Variants in HOMER2 observed in about 807,000 individuals in gnomAD.
HOMER2 encodes homer scaffold protein 2, also known as homer protein homolog 2.
HOMER2 carries 27 observed loss-of-function variants against 47.0 expected under a neutral mutation model. The ratio of observed to expected loss-of-function variants is 0.57; its 90% CI spans 0.42 to 0.79. The LOEUF is 0.79. Among genes scored for constraint, HOMER2 ranks in the 30% least tolerant of loss-of-function variants. The pLI, the probability that HOMER2 is intolerant of heterozygous loss-of-function variation, is 0.00. For synonymous variants in HOMER2, 161 were observed against 163.8 expected (o/e 0.98, Z 0.13); for missense variants, 443 against 435.0 (o/e 1.02, Z -0.16).
At chr15:82,943,062 C>A (rs1175995698) in intron 1 of HOMER2, among the ~76,000 whole-genome samples, 1 of 152,094 alleles carries the variant, frequency 6.6e-6, no homozygotes, top group Non-Finnish European at 1.5e-5. Flanking sequence ...CAGACGGTGC[C>A]CAAAGGGCCA....
chr15:82,897,970 T>G lies in HOMER2; in HGVS notation c.6-5129A>C, dbSNP rs187239526. 1.3e-4 allele frequency among the ~76,000 whole-genome samples: 20 copies of G among 152,362 alleles called. 1 individual carries two copies. In the East Asian group the frequency reaches 3.5e-3, roughly 26 times the overall value. On this transcript the variant is annotated intron_variant, in intron 1 of 8. Coordinates refer to ENST00000450735, the MANE Select transcript of HOMER2 (RefSeq NM_004839.4). ...TTAAGATGCTATGTATGTGACAGTT[T>G]ATTACGTAGCAATAGAAGAGACACT...
In HOMER2 at chr15:82,852,235, T is replaced by A; in HGVS notation, c.669A>T (p.Glu223Asp). ...RLRNKIDELE[E>D]QCSEINREKE... ...TCTCTCTGTTGATCTCACTGCATTG[T>A]TCTTCCAGCTCATCAATCTTCAATA... Residue 223 changes from glutamate (E) to aspartate (D), a missense_variant, in exon 7 of 9, where the codon GAA becomes GAT. Physicochemically the swap from Glu to Asp is conservative, Grantham distance 45. Transcript: ENST00000450735. 6.2e-7 allele frequency: 1 copy of A among 1,613,714 alleles called. No individual in the cohort carries two copies. The highest frequency in any genetic ancestry group is 8.5e-7 in the Non-Finnish European group (1 of 1,179,708).
At chr15:82,934,511 C>G (rs988433881) in intron 1 of HOMER2, among the ~76,000 whole-genome samples, 1 of 152,128 alleles carries the variant, frequency 6.6e-6, no homozygotes, top group Non-Finnish European at 1.5e-5. Flanking sequence ...CCCAGTTCCC[C>G]GCACATGCAT....
chr15:82,891,330 G>T (rs2052698021), intron 2 of HOMER2, among the ~76,000 whole-genome samples: 1 of 152,128 alleles, frequency 6.6e-6, no homozygotes, highest in Admixed American at 6.5e-5. Context: ...GGACTTCTGG[G>T]GTCCCTTCCT....
chr15:82,868,470 T>C (rs1212082522), intron 3 of HOMER2, among the ~76,000 whole-genome samples: 2 of 143,528 alleles, frequency 1.4e-5, no homozygotes, highest in Admixed American at 7.2e-5. Context: ...TCTGGAAAAA[T>C]ATATATTTTT....
chr15:82,961,688 A>T (rs2054631772), intron 1 of HOMER2, among the ~76,000 whole-genome samples: 1 of 151,958 alleles, frequency 6.6e-6, no homozygotes, highest in East Asian at 1.9e-4. Flanking sequence ...GTGTAGATTT[A>T]AGTGGCACTA....
At chr15:82,850,859 C>A (rs984462907) in intron 8 of HOMER2, among the ~76,000 whole-genome samples, 10 of 152,196 alleles carry the variant, frequency 6.6e-5, no homozygotes, top group African/African-American at 2.2e-4. Context: ...GGCCGCCCCC[C>A]CGCTCCTCAC....
Position 82,864,150 on chromosome 15 carries a change from A to G in HOMER2, c.387+17T>C. On this transcript the variant is annotated intron_variant, in intron 4 of 8. Transcript: ENST00000450735. ...CACCAACCCCACTGGGATTTACTTC[A>G]TAGACTAATGTCTTACTTGGGAATG... 6.4e-7 allele frequency: 1 copy of G among 1,554,900 alleles called. No homozygotes were observed. The highest frequency in any genetic ancestry group is 8.8e-7 in the Non-Finnish European group (1 of 1,131,816).
At chr15:82,860,161 G>A (rs760399297) in intron 4 of HOMER2, among the ~76,000 whole-genome samples, 13 of 152,054 alleles carry the variant, frequency 8.5e-5, no homozygotes, top group African/African-American at 1.9e-4. Context: ...GGCAGGACCC[G>A]GGAGGCGGAG....
chr15:82,903,340 C>G (rs543788451), intron 1 of HOMER2, among the ~76,000 whole-genome samples: 1 of 152,088 alleles, frequency 6.6e-6, no homozygotes, highest in Non-Finnish European at 1.5e-5. Context: ...AGGCTGGGTG[C>G]GGTGGCTCTC....
intron 1 of HOMER2, among the ~76,000 whole-genome samples, chr15:82,908,139 T>C (rs2053342920): frequency 8.1e-6 from 1 of 124,136 alleles, no homozygotes; most frequent in African/African-American, 2.7e-5. Context: ...TAATGGATTC[T>C]GACTTTCAGG....
At chr15:82,865,322 G>A (rs986227654) in intron 3 of HOMER2, among the ~76,000 whole-genome samples, 1 of 152,112 alleles carries the variant, frequency 6.6e-6, no homozygotes, top group African/African-American at 2.4e-5. Flanking sequence ...ACCTCTTAAG[G>A]AAAAACATCA....
upstream of HOMER2, among the ~76,000 whole-genome samples, chr15:82,956,270 A>G (rs1252117086): frequency 2.7e-5 from 4 of 150,648 alleles, no homozygotes; most frequent in Admixed American, 2.6e-4. Flanking sequence ...AGAGGCTTGA[A>G]GACAAAGAAG....
chr15:82,939,681 A>C (rs374295394), intron 1 of HOMER2, among the ~76,000 whole-genome samples: 23 of 152,252 alleles, frequency 1.5e-4, no homozygotes, highest in Admixed American at 5.9e-4. Context: ...ACAACAACAA[A>C]AAAAAGAACA....
At chr15:82,908,193 C>A (rs1035362039) in intron 1 of HOMER2, among the ~76,000 whole-genome samples, 1 of 151,928 alleles carries the variant, frequency 6.6e-6, no homozygotes, top group Non-Finnish European at 1.5e-5. Context: ...GTGATGGTTC[C>A]AAAGTCTCTG....
chr15:82,972,495 TG>T (rs1303099083), intron 1 of HOMER2, among the ~76,000 whole-genome samples: 1 of 152,154 alleles, frequency 6.6e-6, no homozygotes, highest in Non-Finnish European at 1.5e-5. Context: ...ATTACAGGCA[TG>T]TGCCACCACA....
At chr15:82,970,931 A>T (rs1005471181) in intron 1 of HOMER2, among the ~76,000 whole-genome samples, 1 of 152,232 alleles carries the variant, frequency 6.6e-6, no homozygotes, top group Non-Finnish European at 1.5e-5. Flanking sequence ...ATATTTGTTA[A>T]TCACCAGCTG....
chr15:82,909,442 G>A (rs761383346), intron 1 of HOMER2, among the ~76,000 whole-genome samples: 15 of 152,116 alleles, frequency 9.9e-5, no homozygotes, highest in Non-Finnish European at 1.8e-4. Flanking sequence ...AGAGGACAGC[G>A]GTACAAATTG....
At chr15:82,854,463 T>G in intron 6 of HOMER2, among the ~76,000 whole-genome samples, 181 bp downstream of exon 6, 1 of 151,900 alleles carries the variant, frequency 6.6e-6, no homozygotes, top group Non-Finnish European at 1.5e-5. Flanking sequence ...TGTACGTGGT[T>G]AAATTCCTAC....
Sources: allele counts gnomAD v4.1 joint callset (sites outside exome capture counted in the v4.1 genomes callset), GRCh38; gene constraint gnomAD v4.1.1; transcripts MANE v1.5; gene names NCBI Gene and HGNC (gene_info 2026-07-23, HGNC 2026-07-21).